The following SLC10A7 variants were observed in gnomAD, a reference collection of about 807,000 sequenced individuals.
SLC10A7 encodes sodium/bile acid cotransporter 7.
Under a neutral mutation model 43.2 loss-of-function variants are expected in SLC10A7, and 29 were observed. The observed-to-expected ratio is 0.67, with a 90% CI of 0.50 to 0.92. The LOEUF (loss-of-function observed/expected upper bound fraction) is 0.92. Among genes scored for constraint, SLC10A7 ranks in the 40% least tolerant of loss-of-function variants. The pLI is 0.00. For synonymous variants in SLC10A7, 152 were observed against 144.8 expected, an observed-to-expected ratio of 1.05 and a Z score of -0.35; for missense variants, 295 against 403.2, an observed-to-expected ratio of 0.73 and a Z score of 2.30.
intron 4 of SLC10A7, among the ~76,000 whole-genome samples, chr4:146,443,895 C>T (rs895610200): frequency 1.3e-5 from 2 of 152,216 alleles, no homozygotes; most frequent in Middle Eastern, 3.4e-3. Context: ...CCTTTGCTGG[C>T]CCTATCAATA....
chr4:146,396,965 A>C (rs753191779), intron 5 of SLC10A7, among the ~76,000 whole-genome samples: 1 of 152,176 alleles, frequency 6.6e-6, no homozygotes, highest in Non-Finnish European at 1.5e-5. Context: ...CTGAATTCAG[A>C]CTTTCGGCTT....
At chr4:146,477,520 T>C (rs2149978622) in intron 4 of SLC10A7, among the ~76,000 whole-genome samples, 1 of 152,346 alleles carries the variant, frequency 6.6e-6, no homozygotes, top group South Asian at 2.1e-4. Context: ...TAACCTAAAA[T>C]AGCAAATGCA....
At chr4:146,346,814 A>G (rs1223045746) in intron 5 of SLC10A7, among the ~76,000 whole-genome samples, 1 of 152,148 alleles carries the variant, frequency 6.6e-6, no homozygotes, top group Non-Finnish European at 1.5e-5. Flanking sequence ...AAGCCATATC[A>G]TTATTTTTAT....
intron 4 of SLC10A7, among the ~76,000 whole-genome samples, chr4:146,461,584 T>C (rs1490832229): frequency 6.6e-6 from 1 of 152,038 alleles, no homozygotes; most frequent in African/African-American, 2.4e-5. Flanking sequence ...GCCTCTTTCC[T>C]TTCTGTACAC....
chr4:146,439,089 A>G (rs1019701232), intron 5 of SLC10A7, among the ~76,000 whole-genome samples: 2 of 152,058 alleles, frequency 1.3e-5, no homozygotes, highest in African/African-American at 4.8e-5. Context: ...AGATAATGAC[A>G]TTAACTGCTT....
At chr4:146,434,202 C>T (rs1267748456) in intron 5 of SLC10A7, among the ~76,000 whole-genome samples, 3 of 152,122 alleles carry the variant, frequency 2.0e-5, no homozygotes, top group Admixed American at 6.5e-5. Context: ...TTAACTACAT[C>T]TACGTAACAC....
chr4:146,445,891 C>CTGTGTGTGTGTG (rs10678013), intron 4 of SLC10A7, among the ~76,000 whole-genome samples: 306 of 148,690 alleles, frequency 2.1e-3, no homozygotes, highest in African/African-American at 7.2e-3. Context: ...CTTCTCTCTT[C>CTGTGTGTGTGTG]TGTGTGTGTG....
At chr4:146,405,154 C>G (rs1727576634) in intron 5 of SLC10A7, among the ~76,000 whole-genome samples, 1 of 152,114 alleles carries the variant, frequency 6.6e-6, no homozygotes, top group Non-Finnish European at 1.5e-5. Flanking sequence ...TTTTTTGCCT[C>G]TGTTTAGTGG....
At chr4:146,421,534 T>C (rs1728964329) in intron 5 of SLC10A7, among the ~76,000 whole-genome samples, 1 of 152,138 alleles carries the variant, frequency 6.6e-6, no homozygotes. Context: ...CATGGTATCA[T>C]GTCCAAGTTG....
chr4:146,273,661 T>C (rs536635744), intron 10 of SLC10A7, among the ~76,000 whole-genome samples: 9 of 152,156 alleles, frequency 5.9e-5, no homozygotes, highest in South Asian at 4.1e-4. Flanking sequence ...CATTATGAAA[T>C]AGTATTATGG....
chr4:146,480,894 T>C (rs1358259544), intron 4 of SLC10A7, among the ~76,000 whole-genome samples: 2 of 151,064 alleles, frequency 1.3e-5, no homozygotes, highest in Non-Finnish European at 2.9e-5. Flanking sequence ...TTTACCAAAA[T>C]AGCTAAAGGA....
intron 10 of SLC10A7, among the ~76,000 whole-genome samples, chr4:146,260,788 G>T (rs1728174242): frequency 6.6e-6 from 1 of 152,132 alleles, no homozygotes. Flanking sequence ...AGAGGGCCTG[G>T]CATGCAAAAC....
chr4:146,513,496 A>T (rs941546482), intron 2 of SLC10A7, among the ~76,000 whole-genome samples: 2 of 152,172 alleles, frequency 1.3e-5, no homozygotes, highest in Non-Finnish European at 2.9e-5. Flanking sequence ...ATAAGTAAAT[A>T]CCACTTTTAT....
chr4:146,509,301 T>C (rs1382470408), intron 3 of SLC10A7, among the ~76,000 whole-genome samples: 1 of 152,202 alleles, frequency 6.6e-6, no homozygotes, highest in Non-Finnish European at 1.5e-5. Flanking sequence ...CTTGAATCAA[T>C]GAATATGCAA....
At chr4:146,304,368 T>C (rs1260657703) in intron 7 of SLC10A7, among the ~76,000 whole-genome samples, 1 of 151,904 alleles carries the variant, frequency 6.6e-6, no homozygotes, top group Non-Finnish European at 1.5e-5. Context: ...AGGTAAAGAC[T>C]TGCTAGATGT....
chr4:146,353,459 C>G (rs1372939624), intron 5 of SLC10A7, among the ~76,000 whole-genome samples: 1 of 138,262 alleles, frequency 7.2e-6, no homozygotes, highest in Non-Finnish European at 1.5e-5. Context: ...ACCAGAGGTA[C>G]AAGGAGGAAC....
chr4:146,498,372 C>T (rs898802107), intron 4 of SLC10A7, among the ~76,000 whole-genome samples: 1 of 152,084 alleles, frequency 6.6e-6, no homozygotes, highest in Non-Finnish European at 1.5e-5. Context: ...CCAGCCTCGG[C>T]CTCCCAAAGT....
intron 1 of SLC10A7, among the ~76,000 whole-genome samples, chr4:146,517,939 A>G (rs189353800): frequency 4.6e-5 from 7 of 152,330 alleles, no homozygotes; most frequent in Admixed American, 2.6e-4. Flanking sequence ...TGAATAAGAT[A>G]ATGCATATAA....
At chr4:146,491,714 AGG>A (rs1735450615) in intron 4 of SLC10A7, among the ~76,000 whole-genome samples, 1 of 149,386 alleles carries the variant, frequency 6.7e-6, no homozygotes, top group African/African-American at 2.5e-5. Context: ...GAAGGAAGGA[AGG>A]AAGGAAGGAA....
Sources: gnomAD v4.1 joint callset for allele counts (sites outside exome capture counted in the v4.1 genomes callset) on GRCh38, gnomAD v4.1.1 for gene constraint, MANE v1.5 for transcripts, NCBI Gene and HGNC (gene_info 2026-07-23, HGNC 2026-07-21) for gene names.